Variants in MRPS35 observed in about 807,000 individuals in gnomAD.
The protein encoded by MRPS35 is mitochondrial ribosomal protein S35, also known as small ribosomal subunit protein mS35.
MRPS35 carries 29 observed loss-of-function variants against 32.7 expected under a neutral mutation model. The ratio of observed to expected loss-of-function variants is 0.89; its 90% CI spans 0.66 to 1.21. The LOEUF (loss-of-function observed/expected upper bound fraction) is 1.21, where lower values mean the gene tolerates loss of function less well. Ranked by LOEUF, MRPS35 falls within the 50% of genes most tolerant of loss-of-function variation. The pLI is 0.00. For missense variants in MRPS35, 373 were observed against 383.8 expected (o/e 0.97, Z 0.23); for synonymous variants, 148 against 139.3 (o/e 1.06, Z -0.44).
At chr12:27,720,167 A>G (rs2061867621) in intron 4 of MRPS35, among the ~76,000 whole-genome samples, 1 of 152,098 alleles carries the variant, frequency 6.6e-6, no homozygotes, top group Non-Finnish European at 1.5e-5. Context: ...CGAGGCGGGC[A>G]GACCACCTGA....
chr12:27,738,758 C>CTTGTAGAAACTTGT, intron 7 of MRPS35, among the ~76,000 whole-genome samples: 1 of 150,650 alleles, frequency 6.6e-6, no homozygotes, highest in African/African-American at 2.4e-5. Flanking sequence ...TCAGTGTCTA[C>CTTGTAGAAACTTGT]AGAAACAGTG....
At chr12:27,723,274 G>GT (rs748308191) in intron 4 of MRPS35, among the ~76,000 whole-genome samples, 2,748 of 145,736 alleles carry the variant, frequency 0.019, 73 homozygotes, top group African/African-American at 0.058. Flanking sequence ...TTTCCTTTAA[G>GT]TTTTTTTTTT....
chr12:27,752,144 C>G (rs939228033), intron 7 of MRPS35, among the ~76,000 whole-genome samples: 9 of 151,784 alleles, frequency 5.9e-5, no homozygotes, highest in Admixed American at 4.6e-4. Context: ...TCCAGCTAAT[C>G]AGGAGGCTGA....
intron 5 of MRPS35, among the ~76,000 whole-genome samples, chr12:27,733,148 C>G (rs902438850): frequency 4.0e-5 from 6 of 151,642 alleles, no homozygotes; most frequent in African/African-American, 4.8e-5. Flanking sequence ...TATCTAAGTA[C>G]TTTGAATTTT....
In MRPS35 at chr12:27,724,068, C is replaced by A; in HGVS notation, c.404C>A (p.Ala135Asp). 1 of 1,602,206 alleles carries A rather than the reference C, an allele frequency of 6.2e-7. No homozygotes were observed. Among genetic ancestry groups the A allele is most frequent in the Non-Finnish European group, 8.5e-7 (1 of 1,177,312 alleles). Residue 135 changes from alanine to aspartate, a missense_variant, in exon 5 of 8, where the codon GCC becomes GAC. Physicochemically the swap from Ala to Asp is moderately radical, Grantham distance 126. Coordinates refer to ENST00000081029, the MANE Select transcript of MRPS35 (RefSeq NM_021821.4). Reference sequence around the variant, plus strand: ...TCAGATTTTTGCACTGAGTGGCCAGCCGCACTGGACAGTGACGAGAAATGT... The same window carrying A: ...TCAGATTTTTGCACTGAGTGGCCAGACGCACTGGACAGTGACGAGAAATGT... ...ALKDFCTEWP[A>D]ALDSDEKCEK...
At chr12:27,752,552 C>A (rs1565472768) in intron 7 of MRPS35, among the ~76,000 whole-genome samples, 1 of 152,146 alleles carries the variant, frequency 6.6e-6, no homozygotes, top group African/African-American at 2.4e-5. Context: ...GATGGAGTGA[C>A]CGTTTTACTT....
intron 5 of MRPS35, chr12:27,725,618 C>T: frequency 4.2e-6 from 1 of 235,904 alleles, no homozygotes; most frequent in Non-Finnish European, 8.5e-6. Flanking sequence ...GTGAGAAGGC[C>T]TGCTTTCCTG....
At chr12:27,750,056 T>C (rs1371080536) in intron 7 of MRPS35, among the ~76,000 whole-genome samples, 1 of 152,236 alleles carries the variant, frequency 6.6e-6, no homozygotes. Context: ...TTGTTAGTCT[T>C]TCCGTAACTT....
intron 2 of MRPS35, among the ~76,000 whole-genome samples, chr12:27,715,051 A>G (rs1049559274): frequency 7.2e-5 from 11 of 152,238 alleles, no homozygotes; most frequent in Non-Finnish European, 1.6e-4. Context: ...ACAGGTGTAT[A>G]AACCAGAATA....
In MRPS35 at chr12:27,739,189, T is replaced by C. The variant is rs1345911980; in HGVS notation, c.702+1581T>C. On this transcript the variant is annotated intron_variant, in intron 7 of 7. Coordinates refer to ENST00000081029, the MANE Select transcript of MRPS35 (RefSeq NM_021821.4). ...CTGGGATTACAGTTGTGAGCCACCA[T>C]GTCCAGCCCTCCCAAGGGGAACTTT... 2.0e-5 allele frequency among the ~76,000 whole-genome samples: 3 copies of C among 152,322 alleles called. No homozygotes were observed. The East Asian group carries it at 5.8e-4, about 29-fold the overall frequency.
chr12:27,754,926 A>C (rs1055494456), intron 7 of MRPS35, among the ~76,000 whole-genome samples: 2 of 152,194 alleles, frequency 1.3e-5, no homozygotes, highest in East Asian at 1.9e-4. Flanking sequence ...GCGAGTGGTA[A>C]CAGAGCTTGA....
chr12:27,748,470 T>TGTGA (rs376498203), intron 7 of MRPS35, among the ~76,000 whole-genome samples: 66 of 148,374 alleles, frequency 4.4e-4, no homozygotes, highest in African/African-American at 1.3e-3. Flanking sequence ...TGTGTGTGTG[T>TGTGA]GATCCATATT....
chr12:27,745,082 A>G (rs960256728), intron 7 of MRPS35, among the ~76,000 whole-genome samples: 4 of 152,264 alleles, frequency 2.6e-5, no homozygotes, highest in South Asian at 2.1e-4. Flanking sequence ...CAGCCTCCCA[A>G]GTAGGACTAC....
intron 2 of MRPS35, among the ~76,000 whole-genome samples, chr12:27,715,024 T>A (rs192220159): frequency 1.3e-5 from 2 of 152,240 alleles, no homozygotes; most frequent in African/African-American, 4.8e-5. Flanking sequence ...GTTGACTTAC[T>A]GAGGAACTCC....
chr12:27,722,238 A>G (rs1319288203), intron 4 of MRPS35, among the ~76,000 whole-genome samples: 1 of 152,218 alleles, frequency 6.6e-6, no homozygotes, highest in Non-Finnish European at 1.5e-5. Context: ...CTTTCAAAGT[A>G]GGTCAGTTCA....
intron 3 of MRPS35, among the ~76,000 whole-genome samples, chr12:27,718,453 C>T (rs900371478): frequency 6.6e-6 from 1 of 152,146 alleles, no homozygotes; most frequent in African/African-American, 2.4e-5. Flanking sequence ...CCTCAAGATA[C>T]TTGGCATAAT....
intron 1 of MRPS35, among the ~76,000 whole-genome samples, chr12:27,713,086 C>T (rs1247581586): frequency 6.6e-6 from 1 of 152,232 alleles, no homozygotes; most frequent in Non-Finnish European, 1.5e-5. Flanking sequence ...AGCCTCTTTT[C>T]TCTCTGTCTC....
chr12:27,713,266 A>G (rs1279753596), intron 1 of MRPS35, among the ~76,000 whole-genome samples: 1 of 152,190 alleles, frequency 6.6e-6, no homozygotes, highest in Non-Finnish European at 1.5e-5. Context: ...ATTTTCCCCA[A>G]CTGATTAGAG....
At position 27,732,875 on chromosome 12, in the gene MRPS35, C is replaced by A. The variant is rs146474091; in HGVS notation, c.523-2572C>A. On this transcript the variant is annotated intron_variant, in intron 5 of 7. Coordinates refer to ENST00000081029, the MANE Select transcript of MRPS35 (RefSeq NM_021821.4). ...ACCAATTCTTGTCTTTTATGTAATA[C>A]CAGCATTCTTTAACTAACCACATCA... Among the ~76,000 whole-genome samples the A allele has an allele frequency of 8.6e-5, 13 of 151,634 alleles. 1 individual carries two copies. In the East Asian group the frequency reaches 2.5e-3, roughly 29 times the overall value.
Sources: gnomAD v4.1 joint callset for allele counts (sites outside exome capture counted in the v4.1 genomes callset) on GRCh38, gnomAD v4.1.1 for gene constraint, MANE v1.5 for transcripts, NCBI Gene and HGNC (gene_info 2026-07-23, HGNC 2026-07-21) for gene names.